Variants in CAT observed in about 807,000 individuals in gnomAD.
CAT encodes catalase.
Under a neutral mutation model 59.0 loss-of-function variants are expected in CAT, and 43 were observed. That is an observed-to-expected ratio of 0.73 (90% CI 0.57 to 0.94). The LOEUF (loss-of-function observed/expected upper bound fraction) is 0.94, where lower values mean the gene tolerates loss of function less well. Among genes scored for constraint, CAT ranks in the 40% least tolerant of loss-of-function variants. The probability of loss-of-function intolerance (pLI) is 0.00; values close to 1 mark genes in which losing one functional copy is unlikely to be tolerated. For synonymous variants in CAT, 218 were observed against 230.9 expected (o/e 0.94, Z 0.51); for missense variants, 664 against 682.9 (o/e 0.97, Z 0.31).
intron 10 of CAT, 104 bp from the exon 11 acceptor site, chr11:34,468,184 T>TA: frequency 1.1e-6 from 1 of 871,408 alleles, no homozygotes; most frequent in Non-Finnish European, 2.0e-6. Context: ...TCTTAACTTC[T>TA]AAAGTTTTTT....
intron 6 of CAT, among the ~76,000 whole-genome samples, chr11:34,454,512 G>T (rs1467010646): frequency 6.6e-6 from 1 of 152,198 alleles, no homozygotes; most frequent in Admixed American, 6.5e-5. Context: ...AAATACTGCT[G>T]CTAAGATAAG....
chr11:34,467,107 TTAAAA>T (rs1408835275), intron 10 of CAT, among the ~76,000 whole-genome samples: 40 of 152,270 alleles, frequency 2.6e-4, no homozygotes, highest in Non-Finnish European at 5.9e-5. Context: ...GAAAGAGGCT[TTAAAA>T]TAAACATACA....
intron 1 of CAT, among the ~76,000 whole-genome samples, chr11:34,447,270 G>C (rs1024022309): frequency 1.4e-4 from 22 of 152,066 alleles, no homozygotes; most frequent in Admixed American, 1.3e-4. Flanking sequence ...TCTCTAGGGG[G>C]GATGGCCCAG....
chr11:34,448,785 A>G (rs1239853358), intron 1 of CAT, among the ~76,000 whole-genome samples: 1 of 152,134 alleles, frequency 6.6e-6, no homozygotes, highest in Non-Finnish European at 1.5e-5. Context: ...TGAGTAAAGT[A>G]TTGACCAGCA....
chr11:34,461,772 T>A (rs1856654538), intron 9 of CAT, among the ~76,000 whole-genome samples: 1 of 152,186 alleles, frequency 6.6e-6, no homozygotes, highest in Non-Finnish European at 1.5e-5. Flanking sequence ...TCACCAAGAC[T>A]TAGACCCTTG....
intron 8 of CAT, 184 bp downstream of exon 8, chr11:34,457,001 G>A: frequency 3.1e-6 from 2 of 642,590 alleles, no homozygotes; most frequent in South Asian, 1.8e-5. Context: ...AGCATTCCTT[G>A]AGTAAACCAA....
chr11:34,464,292 C>T (rs1475143261), intron 10 of CAT, 57 bp downstream of exon 10: 13 of 1,507,866 alleles, frequency 8.6e-6, no homozygotes, highest in Non-Finnish European at 1.2e-5. Flanking sequence ...CTTGTCAATG[C>T]CTGCATAATC....
intron 6 of CAT, among the ~76,000 whole-genome samples, chr11:34,455,109 G>A (rs184877169): frequency 6.6e-6 from 1 of 152,272 alleles, no homozygotes. Flanking sequence ...CAGTGTTATT[G>A]TACTACTTAA....
intron 10 of CAT, among the ~76,000 whole-genome samples, chr11:34,465,627 A>T (rs1856705607): frequency 3.9e-5 from 6 of 152,204 alleles, no homozygotes; most frequent in Admixed American, 3.9e-4. Context: ...ACTATATAGG[A>T]TATAGTGTGG....
intron 12 of CAT, 146 bp downstream of exon 12, chr11:34,471,187 G>C: frequency 1.1e-6 from 1 of 908,020 alleles, no homozygotes; most frequent in Admixed American, 1.9e-5. Flanking sequence ...AAATTCATTT[G>C]AGAGATAAAG....
chr11:34,447,440 A>C (rs1178482998), intron 1 of CAT, among the ~76,000 whole-genome samples: 1 of 152,186 alleles, frequency 6.6e-6, no homozygotes, highest in Non-Finnish European at 1.5e-5. Flanking sequence ...TTTCTACTTT[A>C]AATTAAAAAT....
At chr11:34,443,933 G>A (rs1047586739) in intron 1 of CAT, among the ~76,000 whole-genome samples, 7 of 152,092 alleles carry the variant, frequency 4.6e-5, no homozygotes, top group Admixed American at 2.6e-4. Context: ...GTATGGAATC[G>A]CTAAGTCATT....
At chr11:34,450,405 A>G (rs929171437) in intron 2 of CAT, among the ~76,000 whole-genome samples, 7 of 152,316 alleles carry the variant, frequency 4.6e-5, no homozygotes, top group Middle Eastern at 3.4e-3. Context: ...TTTGAAAGAA[A>G]GTGAAAAACT....
intron 11 of CAT, 37 bp downstream of exon 11, chr11:34,468,432 C>A: frequency 7.1e-7 from 1 of 1,412,844 alleles, no homozygotes; most frequent in Non-Finnish European, 1.0e-6. Context: ...CCTCTGCTGG[C>A]TAAGGAAGAC....
At chr11:34,447,659 G>A (rs955249622) in intron 1 of CAT, among the ~76,000 whole-genome samples, 8 of 152,024 alleles carry the variant, frequency 5.3e-5, no homozygotes, top group African/African-American at 1.9e-4. Flanking sequence ...CATCTGTCAT[G>A]ATTACTAGAA....
At chr11:34,451,545 C>T (rs1226353056) in intron 3 of CAT, among the ~76,000 whole-genome samples, 2 of 152,290 alleles carry the variant, frequency 1.3e-5, no homozygotes, top group South Asian at 2.1e-4. Flanking sequence ...ATGTTTCTCA[C>T]GTTACAGAGA....
intron 11 of CAT, among the ~76,000 whole-genome samples, chr11:34,470,017 A>G (rs1020603764): frequency 5.3e-5 from 8 of 152,208 alleles, no homozygotes; most frequent in African/African-American, 1.7e-4. Flanking sequence ...TAATTCTTTG[A>G]CAGTAACTGT....
At chr11:34,451,222 G>T in intron 3 of CAT, 124 bp downstream of exon 3, 1 of 740,596 alleles carries the variant, frequency 1.4e-6, no homozygotes, top group Non-Finnish European at 2.5e-6. Flanking sequence ...TTATGTCAAG[G>T]TTTTACAGTA....
At chr11:34,469,829 C>G (rs1856755846) in intron 11 of CAT, among the ~76,000 whole-genome samples, 2 of 152,048 alleles carry the variant, frequency 1.3e-5, no homozygotes, top group Admixed American at 1.3e-4. Flanking sequence ...CCATGCCCGA[C>G]TAATTTTTGT....
Sources: gnomAD v4.1 joint callset for allele counts (sites outside exome capture counted in the v4.1 genomes callset) on GRCh38, gnomAD v4.1.1 for gene constraint, MANE v1.5 for transcripts, NCBI Gene and HGNC (gene_info 2026-07-23, HGNC 2026-07-21) for gene names.